Variants in SGCZ observed in about 807,000 individuals in gnomAD.
SGCZ encodes the protein zeta-sarcoglycan.
A neutral mutation model predicts 41.3 loss-of-function variants in SGCZ; 40 were observed. The ratio of observed to expected loss-of-function variants is 0.97; its 90% CI spans 0.75 to 1.26. The LOEUF is 1.26. Ranked by LOEUF, SGCZ falls within the 50% of genes most tolerant of loss-of-function variation. The probability of loss-of-function intolerance (pLI) is 0.00; values close to 1 mark genes in which losing one functional copy is unlikely to be tolerated. For missense variants in SGCZ, 552 were observed against 369.8 expected (o/e 1.49, Z -4.04); for synonymous variants, 206 against 137.5 (o/e 1.50, Z -3.49).
intron 3 of SGCZ, among the ~76,000 whole-genome samples, chr8:14,261,347 C>A (rs1182776087): frequency 6.6e-6 from 1 of 152,046 alleles, no homozygotes; most frequent in Non-Finnish European, 1.5e-5. Context: ...CCTTTCTAAA[C>A]AAAAAATTCA....
At chr8:14,499,765 A>T (rs1802096165) in intron 2 of SGCZ, among the ~76,000 whole-genome samples, 1 of 150,316 alleles carries the variant, frequency 6.7e-6, no homozygotes, top group African/African-American at 2.4e-5. Flanking sequence ...ATCAATTTGT[A>T]TATAGATATA....
intron 3 of SGCZ, among the ~76,000 whole-genome samples, chr8:14,290,218 TCAAAACTA>T (rs1800792445): frequency 6.6e-6 from 1 of 151,964 alleles, no homozygotes; most frequent in South Asian, 2.1e-4. Context: ...AACGTAAGAC[TCAAAACTA>T]CAAAACTACA....
At chr8:14,100,612 AATATATTAAT>A in intron 7 of SGCZ, among the ~76,000 whole-genome samples, 1 of 142,736 alleles carries the variant, frequency 7.0e-6, no homozygotes, top group East Asian at 2.0e-4. Context: ...AATTTATATT[AATATATTAAT>A]ATATTTTCAA....
chr8:14,744,106 T>C (rs372265167), intron 1 of SGCZ, among the ~76,000 whole-genome samples: 1 of 144,384 alleles, frequency 6.9e-6, no homozygotes, highest in East Asian at 2.1e-4. Flanking sequence ...TTTAGGCTTC[T>C]CAAAAAATTT....
chr8:14,790,523 G>C (rs572983348), intron 1 of SGCZ, among the ~76,000 whole-genome samples: 5 of 152,028 alleles, frequency 3.3e-5, no homozygotes, highest in African/African-American at 1.2e-4. Context: ...CAAAACATTT[G>C]TTAACAAAGA....
chr8:15,161,482 G>A (rs900533161), intron 1 of SGCZ, among the ~76,000 whole-genome samples: 1 of 152,074 alleles, frequency 6.6e-6, no homozygotes, highest in Admixed American at 6.5e-5. Flanking sequence ...TGAGGGCCAG[G>A]GCTGTATGTG....
Position 14,378,284 on chromosome 8 carries a change from T to C in SGCZ, c.235-54080A>G, listed in dbSNP as rs1804215397. 2.0e-5 allele frequency among the ~76,000 whole-genome samples: 3 copies of C among 152,052 alleles called. No homozygotes were observed. The South Asian group carries it at 6.2e-4, about 31-fold the overall frequency. On this transcript the variant is annotated intron_variant, in intron 2 of 7. Coordinates refer to ENST00000382080, the MANE Select transcript of SGCZ (RefSeq NM_139167.4). ...TTTGCATTTCTCTGATGGCCAGTGA[T>C]GGTGAGCATTTTTTCATGTGTTTTT... is the stretch of plus-strand genomic sequence containing the variant.
chr8:14,528,773 C>T (rs1419465668), intron 2 of SGCZ, among the ~76,000 whole-genome samples: 1 of 146,310 alleles, frequency 6.8e-6, no homozygotes. Context: ...AGTTAATAAC[C>T]ACTTAATTCC....
chr8:14,369,823 T>C (rs1198008323), intron 2 of SGCZ, among the ~76,000 whole-genome samples: 2 of 152,108 alleles, frequency 1.3e-5, no homozygotes, highest in African/African-American at 4.8e-5. Context: ...AGTAATTACA[T>C]GATTATTTAG....
At chr8:14,583,490 G>A (rs1281911803) in intron 1 of SGCZ, among the ~76,000 whole-genome samples, 1 of 151,940 alleles carries the variant, frequency 6.6e-6, no homozygotes, top group Non-Finnish European at 1.5e-5. Flanking sequence ...CTTTTGCTGT[G>A]CAGAAGCTCT....
Position 14,087,953 on chromosome 8 carries a change from G to C in SGCZ, c.*2490C>G, listed in dbSNP as rs1464823701. Among the ~76,000 whole-genome samples the C allele has an allele frequency of 6.6e-5, 10 of 151,730 alleles. No individual in the cohort carries two copies. In the East Asian group the frequency reaches 1.7e-3, roughly 27 times the overall value. ...CGATTTGTTATATCATCTGGATACA[G>C]TCTAAAGCTCTCAAGCTTGTAAGTT... On this transcript the variant is annotated 3_prime_UTR_variant, in exon 8 of 8. Coordinates refer to ENST00000382080, the MANE Select transcript of SGCZ (RefSeq NM_139167.4).
chr8:14,903,560 C>T (rs559723497), intron 1 of SGCZ, among the ~76,000 whole-genome samples: 2 of 151,956 alleles, frequency 1.3e-5, no homozygotes, highest in Admixed American at 6.6e-5. Context: ...AGAAAGATGA[C>T]AAACAGATAA....
intron 1 of SGCZ, among the ~76,000 whole-genome samples, chr8:14,708,231 T>C (rs1809393405): frequency 1.3e-5 from 2 of 152,062 alleles, no homozygotes; most frequent in African/African-American, 4.8e-5. Context: ...GTAGACTATT[T>C]TGCAACATAT....
At chr8:15,214,857 G>A (rs930007285) in intron 1 of SGCZ, among the ~76,000 whole-genome samples, 9 of 152,198 alleles carry the variant, frequency 5.9e-5, no homozygotes, top group South Asian at 4.1e-4. Flanking sequence ...AATGAAAACC[G>A]CAAACTCAGT....
At chr8:15,124,643 G>T (rs1434136010) in intron 1 of SGCZ, among the ~76,000 whole-genome samples, 1 of 152,160 alleles carries the variant, frequency 6.6e-6, no homozygotes, top group Non-Finnish European at 1.5e-5. Flanking sequence ...CCAAGCTCCT[G>T]ATTCTCCTGC....
intron 1 of SGCZ, among the ~76,000 whole-genome samples, chr8:15,204,154 G>A (rs757592224): frequency 1.3e-5 from 2 of 151,246 alleles, no homozygotes; most frequent in Non-Finnish European, 3.0e-5. Flanking sequence ...TTGCTGGAGA[G>A]AACTCTGTAT....
At chr8:14,701,068 C>A (rs1289296967) in intron 1 of SGCZ, among the ~76,000 whole-genome samples, 3 of 151,866 alleles carry the variant, frequency 2.0e-5, no homozygotes, top group Non-Finnish European at 4.4e-5. Flanking sequence ...AAAGTAGGAA[C>A]TGGAGTGTTG....
intron 1 of SGCZ, among the ~76,000 whole-genome samples, chr8:14,651,122 A>G (rs944845266): frequency 6.6e-6 from 1 of 152,062 alleles, no homozygotes; most frequent in African/African-American, 2.4e-5. Flanking sequence ...CACATATACA[A>G]TTAAGAATGT....
At chr8:14,951,950 G>A (rs1394321069) in intron 1 of SGCZ, among the ~76,000 whole-genome samples, 2 of 152,026 alleles carry the variant, frequency 1.3e-5, no homozygotes, top group African/African-American at 4.8e-5. Context: ...TCTGATTGAT[G>A]TGCCTATCAT....
Sources: allele counts gnomAD v4.1 joint callset (sites outside exome capture counted in the v4.1 genomes callset), GRCh38; gene constraint gnomAD v4.1.1; transcripts MANE v1.5; gene names NCBI Gene and HGNC (gene_info 2026-07-23, HGNC 2026-07-21).